Variants in SNX19 observed in about 807,000 individuals in gnomAD.
SNX19 encodes sorting nexin-19.
SNX19 carries 60 observed loss-of-function variants against 85.2 expected under a neutral mutation model. The ratio of observed to expected loss-of-function variants is 0.70; its 90% confidence interval spans 0.57 to 0.87. The LOEUF (loss-of-function observed/expected upper bound fraction) is 0.87, where lower values mean the gene tolerates loss of function less well. Ranked by LOEUF, SNX19 falls within the 40% of genes least tolerant of loss-of-function variation. The pLI is 0.00. For missense variants in SNX19, 1,201 were observed against 1,217.8 expected, an observed-to-expected ratio of 0.99 and a Z score of 0.21; for synonymous variants, 520 against 470.0, an observed-to-expected ratio of 1.11 and a Z score of -1.38.
chr11:130,903,040 G>T, intron 8 of SNX19: 1 of 539,810 alleles, frequency 1.9e-6, no homozygotes, highest in Non-Finnish European at 3.2e-6. Flanking sequence ...AGTACATTAT[G>T]CCAGAAGTCT....
At chr11:130,908,210 T>G in intron 4 of SNX19, 127 bp from the exon 5 acceptor site, 5 of 1,060,100 alleles carry the variant, frequency 4.7e-6, no homozygotes, top group Non-Finnish European at 3.9e-6. Context: ...TAGCAAAGCC[T>G]TATCCAGTAG....
At chr11:130,878,620 CATTT>C (rs1178744321) in intron 10 of SNX19, 66 bp from the exon 11 acceptor site, 1 of 1,548,156 alleles carries the variant, frequency 6.5e-7, no homozygotes, top group Non-Finnish European at 8.8e-7. Context: ...CTGTTTATGA[CATTT>C]ATTTTCTCCT....
rs1944794236 is a variant in SNX19 at position 130,895,190 on chromosome 11, T to C, written c.2573+8065A>G. 8.1e-6 allele frequency: 8 copies of C among 985,434 alleles called. No individual in the cohort carries two copies. In the South Asian group the frequency reaches 3.3e-4, roughly 41 times the overall value. The allele number at this position is 985,434 out of a possible 1,614,324, so 61.0% of individuals were successfully genotyped here. ...AGGAGAGAGCCATTAGAATGGGAGATGGCCTGAAGGGCCCCCAAACCTCTT... is the reference window on the plus strand; with the variant it reads ...AGGAGAGAGCCATTAGAATGGGAGACGGCCTGAAGGGCCCCCAAACCTCTT... On this transcript the variant is annotated intron_variant, in intron 8 of 10. Coordinates refer to ENST00000265909, the MANE Select transcript of SNX19 (RefSeq NM_014758.3).
chr11:130,886,794 C>G (rs1944113242), intron 8 of SNX19, among the ~76,000 whole-genome samples: 1 of 152,216 alleles, frequency 6.6e-6, no homozygotes, highest in Non-Finnish European at 1.5e-5. Context: ...ATGGCCCCTT[C>G]TTGTGTTTAT....
In SNX19 at chr11:130,915,487, A is replaced by G; in HGVS notation, c.453T>C (p.Ser151=). The change falls in exon 1 of 11, where the codon AGT becomes AGC. Residue 151 remains serine, a synonymous_variant. Coordinates refer to ENST00000265909, the MANE Select transcript of SNX19 (RefSeq NM_014758.3). ...TCAGAACACTCTGGGCAACAGCATG[A>G]CTGTCCATCACGCTCATCCTTCTCC... The part of the protein sequence containing the change: ...ELRRRMSVMD[S]HAVAQSVLTL... 1 of 1,614,174 alleles carries G rather than the reference A, an allele frequency of 6.2e-7. No homozygotes were observed. Among genetic ancestry groups the G allele is most frequent in the Non-Finnish European group, 8.5e-7 (1 of 1,180,032 alleles).
chr11:130,894,645 A>T (rs10750454), intron 8 of SNX19: 339,780 of 985,026 alleles, frequency 0.34, 60,814 homozygotes, highest in Admixed American at 0.43. Flanking sequence ...GCCATGCAGC[A>T]GCAGTTTGGT....
chr11:130,912,530 G>A (rs192777537), intron 1 of SNX19, among the ~76,000 whole-genome samples: 3 of 152,298 alleles, frequency 2.0e-5, no homozygotes, highest in Admixed American at 2.0e-4. Context: ...ACAATGAAAC[G>A]CTGTGGGAGA....
rs1279894098 is a variant in SNX19, at chr11:130,872,499, T to C, written c.*5923A>G. 1.3e-5 allele frequency among the ~76,000 whole-genome samples: 2 copies of C among 152,104 alleles called. No individual in the cohort carries two copies. Among genetic ancestry groups the C allele is most frequent in the African/African-American group, 4.8e-5 (2 of 41,410 alleles). ...TAAACCAGTCAATGTTGTCTTTGTG[T>C]AATAAGAAATATCAGGTAAGTCTTA... On this transcript the variant is annotated 3_prime_UTR_variant, in exon 11 of 11. Coordinates refer to ENST00000265909, the MANE Select transcript of SNX19 (RefSeq NM_014758.3).
chr11:130,881,087 A>G (rs1943635215), intron 8 of SNX19: 1 of 272,406 alleles, frequency 3.7e-6, no homozygotes, highest in Non-Finnish European at 6.8e-6. Context: ...GGCCCTTGCC[A>G]GACACCAGTT....
chr11:130,912,354 T>G (rs971178900), intron 1 of SNX19, among the ~76,000 whole-genome samples: 13 of 152,290 alleles, frequency 8.5e-5, no homozygotes, highest in African/African-American at 3.1e-4. Flanking sequence ...CACATGAAAA[T>G]TGGAGATGTG....
At chr11:130,914,049 A>C (rs1946347985) in intron 1 of SNX19, among the ~76,000 whole-genome samples, 1 of 152,238 alleles carries the variant, frequency 6.6e-6, no homozygotes, top group South Asian at 2.1e-4. Context: ...AACCCTCAGC[A>C]TTCTAGCAGC....
In SNX19 at chr11:130,897,244, C is replaced by T. The variant is rs186998171; in HGVS notation, c.2573+6011G>A. Among the ~76,000 whole-genome samples, 1,034 of 152,222 alleles carry T rather than the reference C, an allele frequency of 6.8e-3. 18 individuals carry two copies. Among genetic ancestry groups the T allele is most frequent in the African/African-American group, 0.023 (955 of 41,520 alleles). ...GCACACCCTTTCTTTTCTTCTTCCTCTCTGGATACTTCCTAACTTTACACA... is the reference window on the plus strand; with the variant it reads ...GCACACCCTTTCTTTTCTTCTTCCTTTCTGGATACTTCCTAACTTTACACA... On this transcript the variant is annotated intron_variant, in intron 8 of 10. Transcript: ENST00000265909.
rs753594593 is a variant in SNX19, at chr11:130,908,035, A to G, written c.2083T>C (p.Ser695Pro). 2.5e-6 allele frequency: 4 copies of G among 1,614,126 alleles called. No homozygotes were observed. The South Asian group carries it at 3.3e-5, about 13-fold the overall frequency. ...VDTLKTAFPR[S>P]EPQSPTEELS... ...TCCTCTGTGGGGCTCTGGGGTTCAG[A>G]GCGAGGAAACGCTGTCTTCAAGGTG... The change falls in exon 5 of 11, where the codon TCT becomes CCT. Residue 695 changes from serine (S) to proline (P), a missense_variant. By Grantham distance (74) the Ser-to-Pro change is moderately conservative. Coordinates refer to ENST00000265909, the MANE Select transcript of SNX19 (RefSeq NM_014758.3).
intron 8 of SNX19, among the ~76,000 whole-genome samples, chr11:130,884,347 T>C (rs1943897248): frequency 6.6e-6 from 1 of 152,224 alleles, no homozygotes; most frequent in African/African-American, 2.4e-5. Flanking sequence ...CACTGCATCT[T>C]TCTATTCTTA....
At position 130,880,732 on chromosome 11, in the gene SNX19, G is replaced by C; in HGVS notation, c.2648C>G (p.Ser883Cys). The C allele has an allele frequency of 1.2e-6, 2 of 1,612,026 alleles. No individual in the cohort carries two copies. Among genetic ancestry groups the C allele is most frequent in the Non-Finnish European group, 1.7e-6 (2 of 1,178,402 alleles). ...AGGCAAAACTCCACCAGGCCAGATG[G>C]ACTCCTGAAGAAGCAGGAGGTACTG... ...WVQYLLLLQE[S>C]IWPGGVLPKF... is the part of the protein sequence containing the mutation. The change falls in exon 9 of 11, where the codon TCC (serine) becomes TGC (cysteine). Residue 883 changes from serine to cysteine, a missense_variant. This residue lies in a region of SNX19 where 285 missense variants were observed against 295.3 expected (regional missense o/e 0.97). Coordinates refer to ENST00000265909, the MANE Select transcript of SNX19 (RefSeq NM_014758.3).
chr11:130,914,526 G>A lies in SNX19; in HGVS notation c.1414C>T (p.Pro472Ser). The A allele has an allele frequency of 1.2e-6, 2 of 1,613,942 alleles. No individual in the cohort carries two copies. Among genetic ancestry groups the A allele is most frequent in the South Asian group, 1.1e-5 (1 of 91,080 alleles). ...GGCCGTGAGGGGCAGGTCTTTTCTG[G>A]CCCCTCCAGCAAAGCTGTAACAGAG... is the stretch of plus-strand genomic sequence containing the variant. ...TASVTALLEGPEKTCPSRPSC... is the reference protein window; with the variant it reads ...TASVTALLEGSEKTCPSRPSC... Residue 472 changes from proline (P) to serine (S), a missense_variant, in exon 1 of 11, where the codon CCA (proline) becomes TCA (serine). By Grantham distance (74) the Pro-to-Ser change is moderately conservative. This residue lies in a region of SNX19 where 791 missense variants were observed against 750.9 expected (regional missense o/e 1.05). Coordinates refer to ENST00000265909, the MANE Select transcript of SNX19 (RefSeq NM_014758.3).
At chr11:130,910,504 C>A in intron 2 of SNX19, 134 bp from the exon 3 acceptor site, 1 of 674,932 alleles carries the variant, frequency 1.5e-6, no homozygotes, top group Non-Finnish European at 2.4e-6. Flanking sequence ...TCAGGACTTC[C>A]AAATATACAT....
rs747845235 is a variant in SNX19, at chr11:130,903,323, C to T, written c.2505G>A (p.Gln835=). ...LDLLLLLLTE[Q]WKWLCTENMQ... ...TGTTTTCGGTACATAGCCATTTCCACTGTTCTGTTAGTAGCAAGAGGAGCA... is the reference window on the plus strand; with the variant it reads ...TGTTTTCGGTACATAGCCATTTCCATTGTTCTGTTAGTAGCAAGAGGAGCA... Residue 835 remains glutamine (Q), a synonymous_variant, in exon 8 of 11, where the codon CAG becomes CAA. Coordinates refer to ENST00000265909, the MANE Select transcript of SNX19 (RefSeq NM_014758.3). 11 of 1,613,778 alleles carry T rather than the reference C, an allele frequency of 6.8e-6. No individual in the cohort carries two copies. Among genetic ancestry groups the T allele is most frequent in the Non-Finnish European group, 9.3e-6 (11 of 1,179,928 alleles).
chr11:130,878,662 A>G (rs1943425216), intron 10 of SNX19, 108 bp from the exon 11 acceptor site: 1 of 1,324,582 alleles, frequency 7.5e-7, no homozygotes, highest in South Asian at 1.7e-5. Context: ...CTAAACTTCA[A>G]TAGCTTGATG....
Sources: allele counts gnomAD v4.1 joint callset (sites outside exome capture counted in the v4.1 genomes callset), GRCh38; gene constraint gnomAD v4.1.1; regional missense constraint gnomAD v4.1.1; transcripts MANE v1.5; gene names NCBI Gene and HGNC (gene_info 2026-07-23, HGNC 2026-07-21).